The following PPP2R5C variants were observed in gnomAD, a reference collection of about 807,000 sequenced individuals.
PPP2R5C encodes protein phosphatase 2 regulatory subunit B'gamma.
A neutral mutation model predicts 68.9 loss-of-function variants in PPP2R5C; 7 were observed. That is an observed-to-expected ratio of 0.10 (90% confidence interval 0.06 to 0.19). PPP2R5C has a LOEUF of 0.19. Among genes scored for constraint, PPP2R5C ranks in the 10% least tolerant of loss-of-function variants. PPP2R5C has a pLI of 1.00. For missense variants in PPP2R5C, 348 were observed against 641.3 expected (o/e 0.54, Z 4.94); for synonymous variants, 210 against 222.2 (o/e 0.95, Z 0.49).
At position 101,851,530 on chromosome 14, in the gene PPP2R5C, AGT is replaced by A. The variant is rs767062108; in HGVS notation, c.95-5154_95-5153del. ...TGAAACTTGGCTGCTTCAGCTGCTT[AGT>A]GAATATTACGTGAGTGACCAGGGAG... On this transcript the variant is annotated intron_variant, in intron 1 of 13. Coordinates refer to ENST00000334743, the Ensembl canonical transcript of PPP2R5C. Among the ~76,000 whole-genome samples, 137 of 152,180 alleles carry A rather than the reference AGT, an allele frequency of 9.0e-4. 2 individuals are homozygous for A. Among genetic ancestry groups the A allele is most frequent in the Non-Finnish European group, 1.5e-3 (103 of 68,034 alleles).
At chr14:101,912,663 G>A (rs556077350) in intron 12 of PPP2R5C, 190 bp downstream of exon 14, 212 of 1,207,258 alleles carry the variant, frequency 1.8e-4, no homozygotes, top group Admixed American at 9.0e-4. Context: ...GCCCCATATC[G>A]TTTTACCACA....
In PPP2R5C at chr14:101,891,675, G is replaced by T. The variant is rs1046428439; in HGVS notation, c.690-1325G>T. ...TAGTTTTATCCTTCTTCCAGATGAG[G>T]CTGAGCCTTCGGGTGACCCTGTGAG... is the stretch of plus-strand genomic sequence containing the variant. On this transcript the variant is annotated intron_variant, in intron 6 of 13. Coordinates refer to ENST00000334743, the Ensembl canonical transcript of PPP2R5C. This position sits in a 1 kb window ranked among gnomAD's most constrained non-coding sequence, Gnocchi z 4.9. 2.0e-5 allele frequency among the ~76,000 whole-genome samples: 3 copies of T among 152,160 alleles called. No individual in the cohort carries two copies. Among genetic ancestry groups the T allele is most frequent in the Non-Finnish European group, 2.9e-5 (2 of 68,036 alleles).
At chr14:101,843,080 T>G (rs2041597869) in intron 1 of PPP2R5C, among the ~76,000 whole-genome samples, 1 of 151,960 alleles carries the variant, frequency 6.6e-6, no homozygotes, top group African/African-American at 2.4e-5. Context: ...ATAAAAAGAT[T>G]AGCCAGGAGT....
In PPP2R5C at chr14:101,916,573, C is replaced by T. The variant is rs770871810; in HGVS notation, c.1327-1258C>T. 4.6e-5 allele frequency among the ~76,000 whole-genome samples: 7 copies of T among 152,054 alleles called. No individual in the cohort carries two copies. Among genetic ancestry groups the T allele is most frequent in the Non-Finnish European group, 8.8e-5 (6 of 68,020 alleles). ...TCAGAGAGGCCCAGTGAGGCAAGGCCGGGAAGGGCTTAGCAGCCAGAGGGC... is the reference window on the plus strand; with the variant it reads ...TCAGAGAGGCCCAGTGAGGCAAGGCTGGGAAGGGCTTAGCAGCCAGAGGGC... On this transcript the variant is annotated intron_variant, in intron 12 of 13. Coordinates refer to ENST00000334743, the Ensembl canonical transcript of PPP2R5C. This position sits in a 1 kb window ranked among gnomAD's most constrained non-coding sequence, Gnocchi z 5.5.
At chr14:101,855,615 C>T (rs181121025) in intron 1 of PPP2R5C, among the ~76,000 whole-genome samples, 11 of 152,308 alleles carry the variant, frequency 7.2e-5, no homozygotes, top group Middle Eastern at 3.4e-3. Context: ...TACTTGTTCA[C>T]GGAGTTATGC....
At chr14:101,868,788 T>C (rs1595422694) in intron 2 of PPP2R5C, among the ~76,000 whole-genome samples, 1 of 152,208 alleles carries the variant, frequency 6.6e-6, no homozygotes, top group African/African-American at 2.4e-5. Flanking sequence ...TTTAAATTAA[T>C]TTTTTATTTA....
At chr14:101,802,855 T>C (rs977409267) in intron 3 of PPP2R5C, among the ~76,000 whole-genome samples, 1 of 140,296 alleles carries the variant, frequency 7.1e-6, no homozygotes, top group Non-Finnish European at 1.5e-5. Flanking sequence ...AAATGACCAA[T>C]AAATGCATGA....
chr14:101,770,874 G>A (rs549901991), intron 2 of PPP2R5C, among the ~76,000 whole-genome samples: 10 of 152,378 alleles, frequency 6.6e-5, no homozygotes, highest in Admixed American at 6.5e-4. Flanking sequence ...ATGAAATGCG[G>A]TGATGTTTTC....
intron 7 of PPP2R5C, 140 bp from the exon 10 acceptor site, chr14:101,894,367 G>A (rs1190684660): frequency 8.0e-6 from 5 of 628,194 alleles, no homozygotes; most frequent in Non-Finnish European, 1.1e-5. Context: ...AAATGTTAAT[G>A]CCCGTTAATC....
At chr14:101,843,365 A>C (rs552523689) in intron 1 of PPP2R5C, 50 of 195,812 alleles carry the variant, frequency 2.6e-4, no homozygotes, top group African/African-American at 1.2e-3. Context: ...ACGAAATAAG[A>C]TGGAACATTT....
chr14:101,818,204 G>A (rs2039835329), intron 1 of PPP2R5C: 1 of 152,150 alleles, frequency 6.6e-6, no homozygotes, highest in African/African-American at 2.4e-5. Flanking sequence ...TCCCTATTCA[G>A]TCTTTCTGTT....
intron 9 of PPP2R5C, among the ~76,000 whole-genome samples, chr14:101,905,845 A>G (rs1379365510): frequency 1.3e-5 from 2 of 151,808 alleles, no homozygotes; most frequent in Non-Finnish European, 2.9e-5. Context: ...CCTTGCTCAG[A>G]TGTCACCTCC....
intron 13 of PPP2R5C, among the ~76,000 whole-genome samples, chr14:101,922,363 C>G (rs557776697): frequency 1.3e-5 from 2 of 152,232 alleles, no homozygotes; most frequent in South Asian, 2.1e-4. Flanking sequence ...GTGGCAGGCA[C>G]CTGTAATCCC....
In PPP2R5C at chr14:101,906,509, C is replaced by T. The variant is rs1652083942; in HGVS notation, c.1131C>T (p.Asn377=). 1.2e-6 allele frequency: 2 copies of T among 1,610,798 alleles called. No individual in the cohort carries two copies. The highest frequency in any genetic ancestry group is 2.2e-5 in the East Asian group (1 of 44,856). ...TCATGTTTCCTTCCTTGTACCGCAA[C>T]TCAAAGACCCATTGGAACAAGTAAG... Residue 377 remains asparagine, a synonymous_variant, in exon 10 of 14, where the codon AAC becomes AAT. Coordinates refer to ENST00000334743, the Ensembl canonical transcript of PPP2R5C. This position sits in a 1 kb window ranked among gnomAD's most constrained non-coding sequence, Gnocchi z 4.0.
intron 2 of PPP2R5C, among the ~76,000 whole-genome samples, chr14:101,866,673 A>T (rs117541430): frequency 0.02 from 2,986 of 152,306 alleles, 44 homozygotes; most frequent in Middle Eastern, 0.068. Context: ...CCGTCTCAAA[A>T]AAATAAATAA....
chr14:101,810,116 G>A (rs2039265294), intron 1 of PPP2R5C: 4 of 1,324,972 alleles, frequency 3.0e-6, no homozygotes, highest in East Asian at 4.7e-5. Flanking sequence ...GATAAGAAAA[G>A]CAGGAAGTCC....
At chr14:101,773,002 T>C (rs2037231218) in intron 2 of PPP2R5C, among the ~76,000 whole-genome samples, 1 of 152,124 alleles carries the variant, frequency 6.6e-6, no homozygotes, top group Non-Finnish European at 1.5e-5. Context: ...GGAGGGATCA[T>C]ACCCTCTCTC....
Position 101,915,570 on chromosome 14 carries a change from G to A in PPP2R5C, c.1327-2261G>A, listed in dbSNP as rs1020275303. Among the ~76,000 whole-genome samples, 33 of 152,344 alleles carry A rather than the reference G, an allele frequency of 2.2e-4. No homozygotes were observed. The highest frequency in any genetic ancestry group is 7.7e-4 in the African/African-American group (32 of 41,572). On this transcript the variant is annotated intron_variant, in intron 12 of 13. Coordinates refer to ENST00000334743, the Ensembl canonical transcript of PPP2R5C. The surrounding 1 kb of genome is among the most constrained non-coding windows in gnomAD (Gnocchi z 4.2). ...TGAAGAGCACTGCTTGTTGCCTGGAGTAGTCAAAAGCAGAAGAAGCGTTGG... is the reference window on the plus strand; with the variant it reads ...TGAAGAGCACTGCTTGTTGCCTGGAATAGTCAAAAGCAGAAGAAGCGTTGG...
At chr14:101,895,585 T>C (rs1003397052) in intron 8 of PPP2R5C, among the ~76,000 whole-genome samples, 1 of 152,206 alleles carries the variant, frequency 6.6e-6, no homozygotes, top group African/African-American at 2.4e-5. Context: ...CTTTCACACC[T>C]GGCTTATTTC....
Sources: allele counts gnomAD v4.1 joint callset (sites outside exome capture counted in the v4.1 genomes callset), GRCh38; gene constraint gnomAD v4.1.1; non-coding constraint Gnocchi (gnomAD v3.1); transcripts MANE v1.5; gene names NCBI Gene and HGNC (gene_info 2026-07-23, HGNC 2026-07-21).